GNAQ: variants seen among roughly 807,000 people sequenced by gnomAD.
GNAQ encodes the protein guanine nucleotide-binding protein G(q) subunit alpha.
Under a neutral mutation model 43.9 loss-of-function variants are expected in GNAQ, and 8 were observed. That is an observed-to-expected ratio of 0.18 (90% CI 0.11 to 0.33). The LOEUF is 0.33. Ranked by LOEUF, GNAQ falls within the 10% of genes least tolerant of loss-of-function variation. The probability of loss-of-function intolerance (pLI) is 1.00; values close to 1 mark genes in which losing one functional copy is unlikely to be tolerated. For synonymous variants in GNAQ, 155 were observed against 170.7 expected, an observed-to-expected ratio of 0.91 and a Z score of 0.71; for missense variants, 158 against 450.8, an observed-to-expected ratio of 0.35 and a Z score of 5.88.
At chr9:77,723,545 GAAACA>G (rs1358037694) in intron 6 of GNAQ, among the ~76,000 whole-genome samples, 8 of 152,058 alleles carry the variant, frequency 5.3e-5, no homozygotes, top group Admixed American at 4.6e-4. Context: ...GATACATGGA[GAAACA>G]AAACCAAACC....
At chr9:77,786,560 G>A (rs1257703317) in intron 5 of GNAQ, among the ~76,000 whole-genome samples, 1 of 152,042 alleles carries the variant, frequency 6.6e-6, no homozygotes, top group African/African-American at 2.4e-5. Flanking sequence ...GAAGGGATGG[G>A]ACTCCAGTGA....
At chr9:77,996,018 G>A (rs1412012636) in intron 1 of GNAQ, among the ~76,000 whole-genome samples, 3 of 152,196 alleles carry the variant, frequency 2.0e-5, no homozygotes, top group African/African-American at 7.2e-5. Context: ...ACTTATAAAG[G>A]AGGGGTGTCC....
intron 2 of GNAQ, among the ~76,000 whole-genome samples, chr9:77,844,575 T>C (rs1827549099): frequency 6.6e-6 from 1 of 152,194 alleles, no homozygotes; most frequent in African/African-American, 2.4e-5. Flanking sequence ...AAATTAAAAA[T>C]GGAAGATGTG....
intron 5 of GNAQ, among the ~76,000 whole-genome samples, chr9:77,765,702 T>C (rs1391326499): frequency 1.3e-5 from 2 of 152,148 alleles, no homozygotes; most frequent in African/African-American, 4.8e-5. Flanking sequence ...AGTATGGCAA[T>C]TCATCAAAAA....
intron 2 of GNAQ, among the ~76,000 whole-genome samples, chr9:77,822,873 A>G (rs906215601): frequency 1.1e-4 from 16 of 152,174 alleles, no homozygotes; most frequent in African/African-American, 3.9e-4. Context: ...AATAAAAATA[A>G]AGAAACAAAA....
At chr9:77,731,262 A>G (rs1448048669) in intron 5 of GNAQ, among the ~76,000 whole-genome samples, 1 of 152,130 alleles carries the variant, frequency 6.6e-6, no homozygotes, top group Non-Finnish European at 1.5e-5. Context: ...GCATTGATAT[A>G]GAAGAAGGTG....
chr9:77,814,093 A>C (rs547646692), intron 3 of GNAQ, among the ~76,000 whole-genome samples: 1 of 152,248 alleles, frequency 6.6e-6, no homozygotes, highest in African/African-American at 2.4e-5. Context: ...AGATAGATGG[A>C]ATCTGAAATG....
chr9:77,780,466 C>T (rs373289303), intron 5 of GNAQ, among the ~76,000 whole-genome samples: 5 of 149,708 alleles, frequency 3.3e-5, no homozygotes, highest in African/African-American at 4.9e-5. Flanking sequence ...TATGGCTGGA[C>T]GGTACTCCAC....
intron 2 of GNAQ, among the ~76,000 whole-genome samples, chr9:77,874,452 T>G (rs1307994629): frequency 1.3e-5 from 2 of 152,152 alleles, no homozygotes; most frequent in Admixed American, 6.6e-5. Flanking sequence ...CCTAGGAATT[T>G]GCAGATACAA....
chr9:77,967,132 C>A (rs1823177689), intron 1 of GNAQ, among the ~76,000 whole-genome samples: 1 of 152,140 alleles, frequency 6.6e-6, no homozygotes, highest in African/African-American at 2.4e-5. Context: ...GGTGAACTAT[C>A]TTCTTTAACC....
chr9:77,846,322 A>G (rs1327768799), intron 2 of GNAQ, among the ~76,000 whole-genome samples: 1 of 152,194 alleles, frequency 6.6e-6, no homozygotes, highest in East Asian at 1.9e-4. Flanking sequence ...GGGAGGGGCA[A>G]GCGCTTTCCG....
chr9:77,805,411 TC>T (rs1826812629), intron 3 of GNAQ, among the ~76,000 whole-genome samples: 1 of 152,122 alleles, frequency 6.6e-6, no homozygotes, highest in Admixed American at 6.6e-5. Flanking sequence ...TTACTTTTTT[TC>T]TTTTTTTTTT....
chr9:77,943,219 C>T (rs1450817881), intron 1 of GNAQ, among the ~76,000 whole-genome samples: 1 of 152,226 alleles, frequency 6.6e-6, no homozygotes, highest in African/African-American at 2.4e-5. Flanking sequence ...AAGGAAAGGG[C>T]TCCCCTCAGG....
At chr9:77,899,309 T>C (rs1304322515) in intron 2 of GNAQ, among the ~76,000 whole-genome samples, 1 of 151,922 alleles carries the variant, frequency 6.6e-6, no homozygotes, top group African/African-American at 2.4e-5. Flanking sequence ...CTTGGCAAGG[T>C]TGGTCTCAAA....
At chr9:78,022,482 T>C (rs375633531) in intron 1 of GNAQ, among the ~76,000 whole-genome samples, 8 of 152,250 alleles carry the variant, frequency 5.3e-5, no homozygotes, top group Non-Finnish European at 8.8e-5. Context: ...AAAAGATATA[T>C]GTAACGAATC....
intron 1 of GNAQ, among the ~76,000 whole-genome samples, chr9:77,995,168 C>T (rs1198161578): frequency 6.6e-6 from 1 of 152,162 alleles, no homozygotes; most frequent in Non-Finnish European, 1.5e-5. Context: ...TGAGATAGCA[C>T]TATTATTAAT....
At chr9:77,768,740 C>T (rs1826173044) in intron 5 of GNAQ, among the ~76,000 whole-genome samples, 1 of 152,198 alleles carries the variant, frequency 6.6e-6, no homozygotes, top group Non-Finnish European at 1.5e-5. Flanking sequence ...AGTCCTAAAG[C>T]AACCTGGTGG....
intron 2 of GNAQ, among the ~76,000 whole-genome samples, chr9:77,845,108 T>A (rs1328525): frequency 0.79 from 120,402 of 152,176 alleles, 47,789 homozygotes; most frequent in Admixed American, 0.85. Flanking sequence ...AGCATTTCAA[T>A]ACTGTAACTC....
intron 2 of GNAQ, among the ~76,000 whole-genome samples, chr9:77,902,460 A>G (rs1828630076): frequency 6.6e-6 from 1 of 152,236 alleles, no homozygotes; most frequent in African/African-American, 2.4e-5. Context: ...TTGCTTACAA[A>G]GTTGAGAGGA....
Sources: allele counts gnomAD v4.1 joint callset (sites outside exome capture counted in the v4.1 genomes callset), GRCh38; gene constraint gnomAD v4.1.1; transcripts MANE v1.5; gene names NCBI Gene and HGNC (gene_info 2026-07-23, HGNC 2026-07-21).